The following NRG1 variants were observed in gnomAD, a reference collection of about 807,000 sequenced individuals.
The protein encoded by NRG1 is neuregulin 1.
A neutral mutation model predicts 63.8 loss-of-function variants in NRG1; 18 were observed. The ratio of observed to expected loss-of-function variants is 0.28; its 90% confidence interval spans 0.19 to 0.42. The LOEUF is 0.42. Among genes scored for constraint, NRG1 ranks in the 10% least tolerant of loss-of-function variants. The pLI, the probability that NRG1 is intolerant of heterozygous loss-of-function variation, is 1.00. For missense variants in NRG1, 762 were observed against 814.7 expected (o/e 0.94, Z 0.79); for synonymous variants, 302 against 301.3 (o/e 1.00, Z -0.02).
At chr8:32,025,805 G>A (rs1817179450) in intron 1 of NRG1, among the ~76,000 whole-genome samples, 1 of 151,282 alleles carries the variant, frequency 6.6e-6, no homozygotes, top group African/African-American at 2.4e-5. Context: ...AAAATTAGCC[G>A]GGCCTGGTGG....
At chr8:32,021,719 A>G (rs1227313075) in intron 1 of NRG1, among the ~76,000 whole-genome samples, 3 of 151,820 alleles carry the variant, frequency 2.0e-5, no homozygotes, top group Non-Finnish European at 2.9e-5. Flanking sequence ...TGTATCTATC[A>G]ATCTTAATAT....
intron 1 of NRG1, among the ~76,000 whole-genome samples, chr8:32,454,119 G>A (rs1821315799): frequency 1.3e-5 from 2 of 152,208 alleles, no homozygotes; most frequent in African/African-American, 4.8e-5. Context: ...CAGGATTGCT[G>A]CTGAGTAAGT....
intron 5 of NRG1, among the ~76,000 whole-genome samples, chr8:32,717,794 T>G (rs188224886): frequency 3.9e-5 from 6 of 152,286 alleles, no homozygotes; most frequent in Admixed American, 3.9e-4. Flanking sequence ...ATTAGGCTTT[T>G]TACCTGCAAA....
At chr8:31,670,925 G>A (rs569901694) in intron 1 of NRG1, among the ~76,000 whole-genome samples, 3 of 152,144 alleles carry the variant, frequency 2.0e-5, no homozygotes, top group Non-Finnish European at 4.4e-5. Flanking sequence ...CATAATAACC[G>A]ATAGGTACTT....
intron 1 of NRG1, among the ~76,000 whole-genome samples, chr8:31,881,220 C>T (rs1830322463): frequency 1.3e-5 from 2 of 152,096 alleles, no homozygotes; most frequent in Admixed American, 6.5e-5. Context: ...TGCCATTGTT[C>T]CAACAGAATG....
intron 1 of NRG1, among the ~76,000 whole-genome samples, chr8:32,039,874 AT>A: frequency 6.6e-6 from 1 of 152,004 alleles, no homozygotes; most frequent in East Asian, 1.9e-4. Flanking sequence ...AAAAAAAAAA[AT>A]TAGCCGGAAA....
At chr8:32,025,489 G>A (rs949660109) in intron 1 of NRG1, among the ~76,000 whole-genome samples, 1 of 152,100 alleles carries the variant, frequency 6.6e-6, no homozygotes, top group African/African-American at 2.4e-5. Flanking sequence ...TTAACAGAAG[G>A]TTAAAACTGA....
At chr8:32,278,508 A>T (rs149656517) in intron 1 of NRG1, among the ~76,000 whole-genome samples, 108 of 152,318 alleles carry the variant, frequency 7.1e-4, no homozygotes, top group African/African-American at 2.5e-3. Flanking sequence ...TGAGGTCATC[A>T]TTCCTAATTA....
intron 1 of NRG1, among the ~76,000 whole-genome samples, chr8:32,115,878 A>G (rs1832649723): frequency 2.0e-5 from 3 of 151,990 alleles, no homozygotes; most frequent in Non-Finnish European, 4.4e-5. Flanking sequence ...AATGCTCTTG[A>G]CCTCTACCCA....
chr8:31,742,484 C>G (rs1246953148), intron 1 of NRG1, among the ~76,000 whole-genome samples: 2 of 18,012 alleles, frequency 1.1e-4, no homozygotes, highest in East Asian at 6.4e-4. Flanking sequence ...TTTTTTTTAA[C>G]GAAAGCTATT....
intron 1 of NRG1, among the ~76,000 whole-genome samples, chr8:31,946,430 A>G (rs1802549080): frequency 6.6e-6 from 1 of 152,232 alleles, no homozygotes; most frequent in Non-Finnish European, 1.5e-5. Context: ...AGGCGCTAAC[A>G]GTGAACTTTC....
rs4637778 is a variant in NRG1 at position 31,670,536 on chromosome 8, G to A, written c.37+31105G>A. Reference sequence around the variant, plus strand: ...AGGAAATGGGAATATTGGCAGAAATGTACTACTGTACAGCTGAGAATTGTC... The same window carrying A: ...AGGAAATGGGAATATTGGCAGAAATATACTACTGTACAGCTGAGAATTGTC... On this transcript the variant is annotated intron_variant, in intron 1 of 10. Coordinates refer to the NRG1 transcript ENST00000519301. 2.0e-4 allele frequency among the ~76,000 whole-genome samples: 31 copies of A among 151,570 alleles called. 1 individual carries two copies. The highest frequency in any genetic ancestry group is 6.5e-4 in the African/African-American group (27 of 41,298).
intron 1 of NRG1, among the ~76,000 whole-genome samples, chr8:32,378,683 T>C (rs1273422707): frequency 6.6e-6 from 1 of 152,162 alleles, no homozygotes; most frequent in East Asian, 1.9e-4. Flanking sequence ...GTTAGTTACA[T>C]ATTTATACAT....
chr8:32,592,266 A>G (rs1036714598), intron 1 of NRG1, among the ~76,000 whole-genome samples: 3 of 152,090 alleles, frequency 2.0e-5, no homozygotes, highest in African/African-American at 7.2e-5. Context: ...CGTAACCACA[A>G]CGCAGTGCTC....
intron 1 of NRG1, among the ~76,000 whole-genome samples, chr8:31,947,257 G>C (rs955648728): frequency 2.0e-5 from 3 of 147,294 alleles, no homozygotes; most frequent in Middle Eastern, 3.3e-3. Flanking sequence ...CTGAGATTGC[G>C]CCACTGCAGT....
chr8:32,500,697 AG>A (rs747175678), intron 1 of NRG1, among the ~76,000 whole-genome samples: 27 of 152,354 alleles, frequency 1.8e-4, no homozygotes, highest in South Asian at 6.2e-4. Context: ...TAGGGGCAAA[AG>A]ATAAATATTT....
chr8:32,156,375 CAG>C (rs1301648838), intron 1 of NRG1, among the ~76,000 whole-genome samples: 6 of 152,202 alleles, frequency 3.9e-5, no homozygotes, highest in African/African-American at 1.4e-4. Context: ...TTATACTTAT[CAG>C]AGTCGTAATT....
chr8:32,333,041 A>G (rs1563325284), intron 1 of NRG1, among the ~76,000 whole-genome samples: 1 of 152,130 alleles, frequency 6.6e-6, no homozygotes, highest in Non-Finnish European at 1.5e-5. Context: ...ACACCCATAC[A>G]CAGTAATTAA....
At chr8:31,744,414 A>C (rs1371074252) in intron 1 of NRG1, among the ~76,000 whole-genome samples, 2 of 151,948 alleles carry the variant, frequency 1.3e-5, no homozygotes, top group Non-Finnish European at 2.9e-5. Context: ...TAGACACCTT[A>C]TTGTCACCTC....
Sources: allele counts gnomAD v4.1 joint callset (sites outside exome capture counted in the v4.1 genomes callset), GRCh38; gene constraint gnomAD v4.1.1; transcripts MANE v1.5; gene names NCBI Gene and HGNC (gene_info 2026-07-23, HGNC 2026-07-21).